The following CFAP61 variants were observed in gnomAD, a reference collection of about 807,000 sequenced individuals.
CFAP61 encodes the protein cilia and flagella associated protein 61.
Under a neutral mutation model 135.6 loss-of-function variants are expected in CFAP61, and 107 were observed. The ratio of observed to expected loss-of-function variants is 0.79; its 90% CI spans 0.67 to 0.93. The LOEUF (loss-of-function observed/expected upper bound fraction) is 0.93, where lower values mean the gene tolerates loss of function less well. Among genes scored for constraint, CFAP61 ranks in the 40% least tolerant of loss-of-function variants. CFAP61 has a pLI of 0.00. For missense variants in CFAP61, 1,507 were observed against 1,556.2 expected (o/e 0.97, Z 0.53); for synonymous variants, 575 against 578.5 (o/e 0.99, Z 0.09).
chr20:20,213,962 C>G (rs2047858581), intron 17 of CFAP61, among the ~76,000 whole-genome samples: 1 of 150,464 alleles, frequency 6.6e-6, no homozygotes, highest in African/African-American at 2.4e-5. Flanking sequence ...AGTGTTTCAT[C>G]AGGTATTATG....
chr20:20,242,000 C>T (rs922166286), intron 18 of CFAP61, among the ~76,000 whole-genome samples: 3 of 152,174 alleles, frequency 2.0e-5, no homozygotes, highest in African/African-American at 7.2e-5. Context: ...TTAAATGACA[C>T]TCATCCTTAG....
intron 8 of CFAP61, among the ~76,000 whole-genome samples, chr20:20,105,923 T>C (rs553656620): frequency 4.9e-4 from 73 of 149,322 alleles, no homozygotes; most frequent in African/African-American, 1.7e-3. Flanking sequence ...ACAGGCATGA[T>C]GAATTTCATT....
chr20:20,345,926 G>A (rs1454772515), intron 26 of CFAP61, among the ~76,000 whole-genome samples: 2 of 106,172 alleles, frequency 1.9e-5, no homozygotes, highest in Admixed American at 1.5e-4. Context: ...ACGGAGTCTC[G>A]CTCTGTCGCC....
chr20:20,122,951 A>G (rs1266780870), intron 8 of CFAP61, among the ~76,000 whole-genome samples: 2 of 151,518 alleles, frequency 1.3e-5, no homozygotes, highest in Non-Finnish European at 2.9e-5. Flanking sequence ...ATATTTTTTT[A>G]TTATGGCCAT....
intron 25 of CFAP61, among the ~76,000 whole-genome samples, chr20:20,317,898 A>C (rs1259932740): frequency 6.6e-6 from 1 of 152,236 alleles, no homozygotes; most frequent in African/African-American, 2.4e-5. Context: ...GCTCCTTGGC[A>C]GGCTTAATGA....
intron 15 of CFAP61, among the ~76,000 whole-genome samples, chr20:20,194,662 G>A (rs2056159348): frequency 6.6e-6 from 1 of 152,134 alleles, no homozygotes; most frequent in South Asian, 2.1e-4. Context: ...GTTTCTCCAT[G>A]GCATCTCCCC....
At chr20:20,291,109 A>G (rs754477723) in intron 24 of CFAP61, among the ~76,000 whole-genome samples, 5 of 152,122 alleles carry the variant, frequency 3.3e-5, no homozygotes, top group Non-Finnish European at 4.4e-5. Flanking sequence ...CCCACTATCA[A>G]CATCCCCCAC....
chr20:20,176,080 G>A (rs1009900792), intron 13 of CFAP61, among the ~76,000 whole-genome samples: 3 of 152,082 alleles, frequency 2.0e-5, no homozygotes, highest in Non-Finnish European at 4.4e-5. Flanking sequence ...AGACATTCAT[G>A]CAGCCAACAA....
intron 1 of CFAP61, among the ~76,000 whole-genome samples, chr20:20,054,218 A>G (rs1568780174): frequency 1.3e-5 from 2 of 151,670 alleles, no homozygotes; most frequent in African/African-American, 4.8e-5. Flanking sequence ...CAGTCTTTGT[A>G]TGAAATTGTC....
chr20:20,252,306 G>C (rs1040835898), intron 20 of CFAP61, among the ~76,000 whole-genome samples: 4 of 146,394 alleles, frequency 2.7e-5, no homozygotes, highest in Non-Finnish European at 6.0e-5. Flanking sequence ...AGCATTGCTG[G>C]ATAACACTGA....
intron 2 of CFAP61, among the ~76,000 whole-genome samples, chr20:20,065,794 C>A (rs77569167): frequency 0.017 from 2,527 of 152,192 alleles, 68 homozygotes; most frequent in African/African-American, 0.057. Context: ...GAATCACCTG[C>A]GTCCAGTGCA....
chr20:20,250,371 G>C (rs2050792320), intron 19 of CFAP61, among the ~76,000 whole-genome samples: 1 of 152,238 alleles, frequency 6.6e-6, no homozygotes, highest in South Asian at 2.1e-4. Context: ...CCTGTGTTAA[G>C]AGGTGAGGAA....
At chr20:20,065,356 A>G (rs887703379) in intron 2 of CFAP61, among the ~76,000 whole-genome samples, 26 of 151,932 alleles carry the variant, frequency 1.7e-4, no homozygotes, top group African/African-American at 5.6e-4. Context: ...CAGTAATTCC[A>G]GCCTTCCCCT....
intron 25 of CFAP61, among the ~76,000 whole-genome samples, chr20:20,332,883 CTGAGATTACAGGCA>C (rs1378520870): frequency 6.6e-6 from 1 of 152,200 alleles, no homozygotes; most frequent in Non-Finnish European, 1.5e-5. Context: ...TCCCACAGCA[CTGAGATTACAGGCA>C]TGAGCCAATG....
At chr20:20,227,181 G>A (rs998019389) in intron 17 of CFAP61, among the ~76,000 whole-genome samples, 1 of 152,332 alleles carries the variant, frequency 6.6e-6, no homozygotes, top group East Asian at 1.9e-4. Flanking sequence ...CCATTATTCT[G>A]TCAGACTTCC....
intron 25 of CFAP61, among the ~76,000 whole-genome samples, chr20:20,326,657 T>C (rs1569300307): frequency 6.6e-6 from 1 of 152,202 alleles, no homozygotes; most frequent in Non-Finnish European, 1.5e-5. Context: ...GCCAAAATCT[T>C]TTTCTACAGA....
At chr20:20,347,050 A>G (rs1413334194) in intron 26 of CFAP61, among the ~76,000 whole-genome samples, 1 of 152,246 alleles carries the variant, frequency 6.6e-6, no homozygotes, top group African/African-American at 2.4e-5. Context: ...AAATTATTAT[A>G]TTCTCCAACC....
intron 1 of CFAP61, among the ~76,000 whole-genome samples, chr20:20,055,735 A>G (rs904804648): frequency 6.6e-6 from 1 of 152,170 alleles, no homozygotes; most frequent in Admixed American, 6.5e-5. Context: ...TCAATTTAAA[A>G]CCAGAACAAG....
intron 18 of CFAP61, among the ~76,000 whole-genome samples, chr20:20,243,268 A>G (rs1436136307): frequency 1.3e-5 from 2 of 152,022 alleles, no homozygotes; most frequent in Non-Finnish European, 2.9e-5. Flanking sequence ...TGATTCAATT[A>G]CCTCCCAACA....
Sources: gnomAD v4.1 joint callset for allele counts (sites outside exome capture counted in the v4.1 genomes callset) on GRCh38, gnomAD v4.1.1 for gene constraint, MANE v1.5 for transcripts, NCBI Gene and HGNC (gene_info 2026-07-23, HGNC 2026-07-21) for gene names.